TENM1: variants seen among roughly 807,000 people sequenced by gnomAD.
TENM1 encodes the protein teneurin-1.
A neutral mutation model predicts 174.8 loss-of-function variants in TENM1; 35 were observed. The observed-to-expected ratio is 0.20, with a 90% CI of 0.15 to 0.27. TENM1 has a LOEUF of 0.27. TENM1 is among the 10% of genes least tolerant of loss of function. TENM1 has a pLI of 1.00. For missense variants in TENM1, 1,633 were observed against 2,130.1 expected, an observed-to-expected ratio of 0.77 and a Z score of 4.59; for synonymous variants, 781 against 798.7, an observed-to-expected ratio of 0.98 and a Z score of 0.37.
chrX:124,506,010 T>C (rs1008932051), intron 18 of TENM1, among the ~76,000 whole-genome samples: 2 of 111,912 alleles, frequency 1.8e-5, no homozygotes, highest in East Asian at 5.6e-4. Context: ...TGTTGGTGTG[T>C]AGGATAACAC....
intron 6 of TENM1, among the ~76,000 whole-genome samples, chrX:124,661,005 A>G (rs193004579): frequency 2.2e-4 from 25 of 112,458 alleles, no homozygotes; most frequent in African/African-American, 8.1e-4. Flanking sequence ...TAATGAATGG[A>G]TAAACAAAAT....
chrX:125,004,606 T>A, the TENM1 span, among the ~76,000 whole-genome samples: 64 of 112,307 alleles, frequency 5.7e-4, no homozygotes, highest in Middle Eastern at 4.7e-3. Context: ...AACTTTTTAC[T>A]TTGAATAATT....
At chrX:125,048,584 TG>T in the TENM1 span, among the ~76,000 whole-genome samples, 31 of 111,535 alleles carry the variant, frequency 2.8e-4, no homozygotes, top group East Asian at 3.4e-3. Flanking sequence ...TGCATAGTAC[TG>T]GGCGGATGAG....
At chrX:124,513,973 G>T (rs1405736648) in intron 18 of TENM1, among the ~76,000 whole-genome samples, 1 of 111,630 alleles carries the variant, frequency 9.0e-6, no homozygotes, top group Admixed American at 9.5e-5. Flanking sequence ...GAGATGAGTG[G>T]ATTCTAGGAC....
intron 18 of TENM1, 71 bp from the exon 22 acceptor site, chrX:124,503,774 A>G: frequency 1.0e-6 from 1 of 989,715 alleles, no homozygotes; most frequent in Non-Finnish European, 1.4e-6. Flanking sequence ...CTAGTTGATA[A>G]TTCTGTGGAT....
At chrX:125,008,205 A>C in the TENM1 span, among the ~76,000 whole-genome samples, 1 of 110,755 alleles carries the variant, frequency 9.0e-6, no homozygotes, top group African/African-American at 3.3e-5. Flanking sequence ...AGCAAATGGA[A>C]AGCAAAAAAG....
chrX:124,886,174 T>A (rs112622531), intron 3 of TENM1, among the ~76,000 whole-genome samples: 1,254 of 111,496 alleles, frequency 0.011, 20 homozygotes, highest in African/African-American at 0.039. Context: ...AGCTCTTTTT[T>A]AAAACTCTGT....
the TENM1 span, among the ~76,000 whole-genome samples, chrX:125,113,664 A>C: frequency 9.0e-6 from 1 of 111,239 alleles, no homozygotes; most frequent in African/African-American, 3.3e-5. Context: ...AAAAAGACGA[A>C]GGGCATTACA....
chrX:124,985,642 T>C, the TENM1 span, among the ~76,000 whole-genome samples: 1 of 112,016 alleles, frequency 8.9e-6, no homozygotes, highest in Non-Finnish European at 1.9e-5. Flanking sequence ...TTATATAATA[T>C]GTAACCTGTA....
intron 3 of TENM1, among the ~76,000 whole-genome samples, chrX:124,792,389 A>T (rs1248403195): frequency 9.0e-6 from 1 of 111,687 alleles, no homozygotes; most frequent in Admixed American, 9.6e-5. Context: ...AGGAATGACC[A>T]TTTCTGAACT....
intron 11 of TENM1, among the ~76,000 whole-genome samples, chrX:124,582,445 C>A (rs190133814): frequency 8.9e-6 from 1 of 112,014 alleles, no homozygotes; most frequent in African/African-American, 3.2e-5. Flanking sequence ...AGAGATCTTT[C>A]ACCTCCTTGG....
chrX:124,818,974 C>A (rs780558393), intron 3 of TENM1, among the ~76,000 whole-genome samples: 1 of 111,795 alleles, frequency 8.9e-6, no homozygotes, highest in South Asian at 3.7e-4. Context: ...TGCCTAAGAG[C>A]AAGCATAGTA....
chrX:124,407,850 G>C (rs766284052), intron 25 of TENM1, among the ~76,000 whole-genome samples: 1 of 112,648 alleles, frequency 8.9e-6, no homozygotes, highest in South Asian at 3.6e-4. Flanking sequence ...TGTTAAATTG[G>C]GTGTCTCCTT....
the TENM1 span, among the ~76,000 whole-genome samples, chrX:125,155,884 C>T: frequency 1.8e-4 from 20 of 112,480 alleles, no homozygotes; most frequent in Non-Finnish European, 5.6e-5. Context: ...GCTCTGGCCT[C>T]GGCCAGCCCA....
intron 12 of TENM1, among the ~76,000 whole-genome samples, chrX:124,564,646 T>C (rs1400413973): frequency 2.7e-5 from 3 of 112,169 alleles, no homozygotes; most frequent in Non-Finnish European, 5.6e-5. Flanking sequence ...TGGATAGAAA[T>C]ATATGTTAAG....
chrX:124,992,452 C>A, the TENM1 span, among the ~76,000 whole-genome samples: 2 of 111,301 alleles, frequency 1.8e-5, no homozygotes, highest in Non-Finnish European at 3.8e-5. Context: ...CCATTCTCCC[C>A]GAAGACTAGT....
chrX:124,793,872 TC>T (rs2055241331), intron 3 of TENM1, among the ~76,000 whole-genome samples: 1 of 110,828 alleles, frequency 9.0e-6, no homozygotes, highest in Non-Finnish European at 1.9e-5. Context: ...TGACTCAGTT[TC>T]TTTTACAGCA....
chrX:124,399,702 C>T (rs970842732), intron 27 of TENM1, among the ~76,000 whole-genome samples: 2 of 112,043 alleles, frequency 1.8e-5, no homozygotes, highest in African/African-American at 6.5e-5. Flanking sequence ...CACGGTGACT[C>T]GTGCCTGAAG....
At chrX:124,907,931 T>A (rs1434700073) in intron 1 of TENM1, among the ~76,000 whole-genome samples, 1 of 111,884 alleles carries the variant, frequency 8.9e-6, no homozygotes, top group African/African-American at 3.2e-5. Context: ...AAGGCCATTC[T>A]CTATTAGCTG....
Sources: gnomAD v4.1 joint callset for allele counts (sites outside exome capture counted in the v4.1 genomes callset) on GRCh38, gnomAD v4.1.1 for gene constraint, MANE v1.5 for transcripts, NCBI Gene and HGNC (gene_info 2026-07-23, HGNC 2026-07-21) for gene names.